Variants in SLC67A1 observed in about 807,000 individuals in gnomAD.
SLC67A1 encodes the protein solute carrier family 67 member A1.
the SLC67A1 span, chr11:2,922,239 C>G: frequency 1.3e-6 from 2 of 1,585,818 alleles, no homozygotes; most frequent in Non-Finnish European, 8.7e-7. Flanking sequence ...CTCACCTGAC[C>G]CTCTCACTGG....
At chr11:2,915,301 A>G in the SLC67A1 span, 1 of 767,776 alleles carries the variant, frequency 1.3e-6, no homozygotes, top group Non-Finnish European at 1.6e-6. Context: ...GTGTGTGCGC[A>G]TGTGGCTGCG....
At chr11:2,903,128 G>A in the SLC67A1 span, 2 of 1,162,066 alleles carry the variant, frequency 1.7e-6, no homozygotes, top group African/African-American at 3.1e-5. Context: ...GTGGAGGAGG[G>A]GGACCCCCTG....
chr11:2,922,127 A>C, the SLC67A1 span: 1 of 1,613,160 alleles, frequency 6.2e-7, no homozygotes, highest in Non-Finnish European at 8.5e-7. Context: ...GTCATCGGGC[A>C]GCTGAGCAGC....
At chr11:2,918,968 T>C in the SLC67A1 span, 1 of 270,752 alleles carries the variant, frequency 3.7e-6, no homozygotes, top group South Asian at 9.0e-5. Context: ...GTGCTGGGAT[T>C]GCAGACGTGA....
At chr11:2,905,392 G>A in the SLC67A1 span, among the ~76,000 whole-genome samples, 1 of 152,186 alleles carries the variant, frequency 6.6e-6, no homozygotes. Context: ...AGGCAGCAGT[G>A]TGGGGTCAAT....
At chr11:2,902,752 G>A in the SLC67A1 span, 8 of 985,148 alleles carry the variant, frequency 8.1e-6, no homozygotes, top group Non-Finnish European at 9.6e-6. Flanking sequence ...CTGGAAGGCT[G>A]AGCTATGTCT....
chr11:2,916,664 G>C, the SLC67A1 span: 1 of 1,612,892 alleles, frequency 6.2e-7, no homozygotes, highest in Non-Finnish European at 8.5e-7. Flanking sequence ...CCACCCTCCT[G>C]GGAGCTGTCC....
At chr11:2,914,975 G>A in the SLC67A1 span, 3 of 985,414 alleles carry the variant, frequency 3.0e-6, no homozygotes, top group Non-Finnish European at 3.6e-6. Context: ...CCAAAGGAAG[G>A]GCCCATTCGT....
the SLC67A1 span, chr11:2,909,543 G>T: frequency 0.31 from 463,283 of 1,507,710 alleles, 76,875 homozygotes; most frequent in African/African-American, 0.56. Context: ...CCACCGAGGG[G>T]CTTTCGCCGC....
the SLC67A1 span, chr11:2,909,441 G>C: frequency 1.4e-6 from 2 of 1,439,698 alleles, no homozygotes; most frequent in Non-Finnish European, 1.8e-6. Flanking sequence ...GGAGGTCTGC[G>C]TGCGCGCGGG....
the SLC67A1 span, chr11:2,916,990 G>T: frequency 3.6e-6 from 2 of 558,758 alleles, no homozygotes; most frequent in East Asian, 3.2e-5. Context: ...CCCAGACAGG[G>T]AAGGCGTTAG....
chr11:2,908,266 G>C, the SLC67A1 span: 1 of 1,613,536 alleles, frequency 6.2e-7, no homozygotes, highest in African/African-American at 1.3e-5. Flanking sequence ...GGATTCCATT[G>C]CCTTCGGCTA....
the SLC67A1 span, chr11:2,921,264 A>G: frequency 6.6e-6 from 1 of 151,934 alleles, no homozygotes; most frequent in Non-Finnish European, 1.5e-5. Context: ...TAAAATCCCA[A>G]AAAACCCTAA....
At chr11:2,904,887 C>T in the SLC67A1 span, among the ~76,000 whole-genome samples, 1 of 152,210 alleles carries the variant, frequency 6.6e-6, no homozygotes, top group Non-Finnish European at 1.5e-5. Context: ...AATGGGACCA[C>T]ACCCCACCTG....
the SLC67A1 span, among the ~76,000 whole-genome samples, chr11:2,924,524 C>T: frequency 1.3e-5 from 2 of 152,204 alleles, no homozygotes; most frequent in Non-Finnish European, 2.9e-5. This position sits in a 1 kb window ranked among gnomAD's most constrained non-coding sequence, Gnocchi z 8.6. Context: ...GTGGCAGGCA[C>T]CCTGGGAAAG....
chr11:2,905,322 G>A, the SLC67A1 span, among the ~76,000 whole-genome samples: 79,089 of 151,970 alleles, frequency 0.52, 21,549 homozygotes, highest in East Asian at 0.79. Flanking sequence ...CGTGGAGGAG[G>A]GAAGAAGCCA....
the SLC67A1 span, chr11:2,921,792 C>T: frequency 7.5e-6 from 2 of 266,746 alleles, no homozygotes; most frequent in South Asian, 9.7e-5. Context: ...AGCCCATCCC[C>T]GGGAGCAGCC....
chr11:2,903,701 C>T, the SLC67A1 span: 678 of 606,178 alleles, frequency 1.1e-3, 2 homozygotes, highest in Non-Finnish European at 1.7e-3. Flanking sequence ...GCTTCAGTGC[C>T]AGCCCCGGGA....
At chr11:2,913,625 T>C in the SLC67A1 span, among the ~76,000 whole-genome samples, 1 of 152,178 alleles carries the variant, frequency 6.6e-6, no homozygotes, top group African/African-American at 2.4e-5. Context: ...GGAGCACGGA[T>C]GACTTCTCTC....
Sources: gnomAD v4.1 joint callset for allele counts (sites outside exome capture counted in the v4.1 genomes callset) on GRCh38, gnomAD v4.1.1 for gene constraint, Gnocchi (gnomAD v3.1) non-coding constraint, MANE v1.5 for transcripts, NCBI Gene and HGNC (gene_info 2026-07-23, HGNC 2026-07-21) for gene names.